ZNF91: variants seen among roughly 807,000 people sequenced by gnomAD.
ZNF91 encodes the protein zinc finger protein 91.
In ZNF91, 7 loss-of-function variants were observed where a neutral mutation model predicts 12.6. The ratio of observed to expected loss-of-function variants is 0.55; its 90% CI spans 0.31 to 1.04. The LOEUF (loss-of-function observed/expected upper bound fraction) is 1.04, where lower values mean the gene tolerates loss of function less well. Ranked by LOEUF, ZNF91 falls within the 50% of genes least tolerant of loss-of-function variation. The probability of loss-of-function intolerance (pLI) is 0.05; values close to 1 mark genes in which losing one functional copy is unlikely to be tolerated. For missense variants in ZNF91, 1,217 were observed against 1,385.4 expected (o/e 0.88, Z 1.93); for synonymous variants, 453 against 462.6 (o/e 0.98, Z 0.27).
At chr19:23,366,443 A>T (rs147387229) in intron 3 of ZNF91, among the ~76,000 whole-genome samples, 56 of 152,364 alleles carry the variant, frequency 3.7e-4, no homozygotes, top group African/African-American at 1.2e-3. Flanking sequence ...TGAATAAGAA[A>T]ACAGAAAACC....
chr19:23,326,398 G>C (rs1967838021), intron 1 of ZNF91: 1 of 152,084 alleles, frequency 6.6e-6, no homozygotes, highest in Admixed American at 6.6e-5. Context: ...TACAATCTTG[G>C]CTCACTGCAG....
Position 23,361,551 on chromosome 19 carries a change from G to A in ZNF91, c.1428C>T (p.Thr476=). Residue 476 remains threonine, a synonymous_variant, in exon 4 of 4, where the codon ACC becomes ACT. Coordinates refer to ENST00000300619, the MANE Select transcript of ZNF91 (RefSeq NM_003430.4). ...ECGKAFIWSS[T]LTRHKRIHTG... ...TGTGTATCCTCTTATGTCTAGTTAG[G>A]GTTGAAGACCATATAAATGCTTTGC... The A allele has an allele frequency of 6.2e-7, 1 of 1,613,528 alleles. No homozygotes were observed. The highest frequency in any genetic ancestry group is 8.5e-7 in the Non-Finnish European group (1 of 1,179,818).
intron 1 of ZNF91, among the ~76,000 whole-genome samples, chr19:23,317,046 C>A (rs1967576165): frequency 6.6e-6 from 1 of 151,766 alleles, no homozygotes. Flanking sequence ...CATTTCTTTT[C>A]TTTTCTTTTT....
At chr19:23,328,787 G>C (rs534077379) in intron 1 of ZNF91, 1 of 152,184 alleles carries the variant, frequency 6.6e-6, no homozygotes, top group African/African-American at 2.4e-5. Flanking sequence ...AGGTTTAAGA[G>C]GTAAGAGAGG....
Position 23,373,745 on chromosome 19 carries a change from T to C in ZNF91, c.250A>G (p.Thr84Ala), listed in dbSNP as rs1312985094. 6.2e-7 allele frequency: 1 copy of C among 1,608,718 alleles called. No homozygotes were observed. The highest frequency in any genetic ancestry group is 1.3e-5 in the African/African-American group (1 of 74,710). ...TGTTGTATTCACTCTCACCTACCTG[T>C]GGGTTCATCCACCATCTCATGTTGC... ...MKQHEMVDEP[T>A]GICPHFPQDF... Residue 84 changes from threonine to alanine, a missense_variant, in exon 3 of 4, where the codon ACA (threonine) becomes GCA (alanine). Physicochemically the swap from Thr to Ala is moderately conservative, Grantham distance 58. Transcript: ENST00000300619.
chr19:23,332,696 C>A (rs1475816666), intron 1 of ZNF91, among the ~76,000 whole-genome samples: 2 of 152,162 alleles, frequency 1.3e-5, no homozygotes, highest in Non-Finnish European at 2.9e-5. Flanking sequence ...CTAGTCAACA[C>A]CTCATTTTAC....
chr19:23,318,924 C>T (rs1599683657), intron 1 of ZNF91, among the ~76,000 whole-genome samples: 2 of 152,154 alleles, frequency 1.3e-5, no homozygotes, highest in East Asian at 1.9e-4. Flanking sequence ...TGATGTGATT[C>T]TCCTCTCATG....
At chr19:23,366,208 C>A (rs915329105) in intron 3 of ZNF91, among the ~76,000 whole-genome samples, 3 of 151,914 alleles carry the variant, frequency 2.0e-5, no homozygotes, top group East Asian at 1.9e-4. Context: ...GACCCCCCCA[C>A]CTCCCTCCCA....
chr19:23,393,907 G>C (rs1032748698), intron 1 of ZNF91, among the ~76,000 whole-genome samples: 1 of 152,154 alleles, frequency 6.6e-6, no homozygotes, highest in Non-Finnish European at 1.5e-5. Flanking sequence ...GACTGAGAGA[G>C]GAGAATCATT....
Position 23,373,876 on chromosome 19 carries a change from A to T in ZNF91, c.158-39T>A, listed in dbSNP as rs747276961. ...AATAACTAACATGAGTCTTGCTCAT[A>T]TTCTCCACCTGCCAACTTAGTAATG... On this transcript the variant is annotated intron_variant, in intron 2 of 3. Transcript: ENST00000300619. The T allele has an allele frequency of 3.4e-6, 5 of 1,469,830 alleles. No individual in the cohort carries two copies. In the South Asian group the frequency reaches 6.4e-5, roughly 19 times the overall value. 91.0% of individuals were successfully genotyped at this position (1,469,830 alleles called of 1,614,324 possible).
At chr19:23,351,478 A>C (rs1360910042) in intron 3 of ZNF91, among the ~76,000 whole-genome samples, 1 of 152,200 alleles carries the variant, frequency 6.6e-6, no homozygotes. Context: ...TTTTAAAGAG[A>C]TCCTTTCACT....
intron 1 of ZNF91, among the ~76,000 whole-genome samples, chr19:23,320,868 G>C (rs1967677031): frequency 6.6e-6 from 1 of 152,188 alleles, no homozygotes; most frequent in African/African-American, 2.4e-5. Flanking sequence ...CTTATATCTA[G>C]AGGCAGTCAA....
At chr19:23,369,006 T>G (rs1969143163) in intron 3 of ZNF91, among the ~76,000 whole-genome samples, 1 of 152,122 alleles carries the variant, frequency 6.6e-6, no homozygotes, top group Admixed American at 6.5e-5. Flanking sequence ...AATCTCTTGA[T>G]AATGCAATCA....
downstream of ZNF91, among the ~76,000 whole-genome samples, chr19:23,353,744 T>A (rs1477078515): frequency 3.3e-5 from 5 of 152,090 alleles, no homozygotes; most frequent in Non-Finnish European, 7.4e-5. Flanking sequence ...ATAACCTCAC[T>A]GAGAAATGAA....
chr19:23,380,734 AC>A (rs1260836253), intron 1 of ZNF91: 3 of 152,218 alleles, frequency 2.0e-5, no homozygotes, highest in Admixed American at 2.0e-4. Flanking sequence ...AGCATGAGAA[AC>A]ATGAGTGTTA....
Position 23,362,212 on chromosome 19 carries a change from T to C in ZNF91, c.767A>G (p.His256Arg). 1 of 1,613,114 alleles carries C rather than the reference T, an allele frequency of 6.2e-7. No individual in the cohort carries two copies. Among genetic ancestry groups the C allele is most frequent in the Non-Finnish European group, 8.5e-7 (1 of 1,179,334 alleles). ...AFKQLSTLTT[H>R]KIICAKEKIY... is the part of the protein sequence containing the mutation. The stretch of plus-strand genomic sequence containing the variant: ...TTTCTCTTTAGCACAGATTATTTTA[T>C]GTGTAGTAAGGGTTGAGAGCTGCTT... Residue 256 changes from histidine to arginine, a missense_variant, in exon 4 of 4, where the codon CAT (histidine) becomes CGT (arginine). Coordinates refer to ENST00000300619, the MANE Select transcript of ZNF91 (RefSeq NM_003430.4).
At chr19:23,374,575 A>G (rs999927806) in intron 2 of ZNF91, 63 bp downstream of exon 2, 103 of 1,447,550 alleles carry the variant, frequency 7.1e-5, no homozygotes, top group Admixed American at 5.7e-4. Context: ...AAAAAAAAAA[A>G]AAAAAGAAAA....
At chr19:23,342,807 T>A (rs1049047122) in intron 3 of ZNF91, among the ~76,000 whole-genome samples, 5 of 151,706 alleles carry the variant, frequency 3.3e-5, no homozygotes, top group African/African-American at 1.2e-4. Flanking sequence ...ACATTGCATC[T>A]CTACACAAAT....
At chr19:23,363,773 A>T (rs1599728427) in intron 3 of ZNF91, among the ~76,000 whole-genome samples, 1 of 152,296 alleles carries the variant, frequency 6.6e-6, no homozygotes, top group East Asian at 1.9e-4. Flanking sequence ...TTAAAATAGG[A>T]ACAGAGACAA....
Sources: allele counts gnomAD v4.1 joint callset (sites outside exome capture counted in the v4.1 genomes callset), GRCh38; gene constraint gnomAD v4.1.1; transcripts MANE v1.5; gene names NCBI Gene and HGNC (gene_info 2026-07-23, HGNC 2026-07-21).